Variants in YWHAE observed in about 807,000 individuals in gnomAD.
YWHAE encodes the protein 14-3-3 protein epsilon.
Under a neutral mutation model 30.1 loss-of-function variants are expected in YWHAE, and 4 were observed. The ratio of observed to expected loss-of-function variants is 0.13; its 90% CI spans 0.07 to 0.30. The LOEUF is 0.30. Among genes scored for constraint, YWHAE ranks in the 10% least tolerant of loss-of-function variants. The pLI, the probability that YWHAE is intolerant of heterozygous loss-of-function variation, is 1.00. For synonymous variants in YWHAE, 118 were observed against 111.8 expected, an observed-to-expected ratio of 1.06 and a Z score of -0.35; for missense variants, 121 against 315.9, an observed-to-expected ratio of 0.38 and a Z score of 4.68.
At chr17:1,358,013 C>T (rs1177034064) in intron 4 of YWHAE, among the ~76,000 whole-genome samples, 1 of 151,778 alleles carries the variant, frequency 6.6e-6, no homozygotes, top group Admixed American at 6.6e-5. Flanking sequence ...AAAATACTCA[C>T]AAACCATTTA....
intron 1 of YWHAE, among the ~76,000 whole-genome samples, chr17:1,372,311 G>A (rs1172332077): frequency 6.6e-6 from 1 of 152,204 alleles, no homozygotes; most frequent in Non-Finnish European, 1.5e-5. Context: ...GAATAGTATG[G>A]CAGGTTTGAT....
At chr17:1,378,961 A>G (rs9915144) in intron 1 of YWHAE, among the ~76,000 whole-genome samples, 1,523 of 152,214 alleles carry the variant, frequency 0.01, 28 homozygotes, top group African/African-American at 0.034. Flanking sequence ...AAAAAAAAAA[A>G]AAAGAAATTC....
At position 1,365,556 on chromosome 17, in the gene YWHAE, G is replaced by A. The variant is rs114885181; in HGVS notation, c.65-498C>T. On this transcript the variant is annotated intron_variant, in intron 1 of 5. Transcript: ENST00000264335. ...CTTTGGATGTTTTCTATCCTTCCTC[G>A]TATGAAGCTCCTTCATTGGTAAAAC... Among the ~76,000 whole-genome samples the A allele has an allele frequency of 3.2e-3, 485 of 152,188 alleles. 5 individuals carry two copies. The highest frequency in any genetic ancestry group is 0.011 in the African/African-American group (449 of 41,516).
intron 1 of YWHAE, among the ~76,000 whole-genome samples, chr17:1,394,460 A>AAAAAAAAAAAAAAAAAACC (rs1555647412): frequency 3.6e-5 from 5 of 137,630 alleles, no homozygotes; most frequent in African/African-American, 1.4e-4. Flanking sequence ...AAAAAAAAAA[A>AAAAAAAAAAAAAAAAAACC]ACACAAAAAT....
chr17:1,354,448 T>C, intron 4 of YWHAE, 101 bp from the exon 5 acceptor site: 3 of 1,194,382 alleles, frequency 2.5e-6, no homozygotes, highest in East Asian at 4.9e-5. Context: ...TTCCAGTTTG[T>C]AATAGTCACA....
chr17:1,360,291 T>C (rs1483293186), intron 4 of YWHAE, among the ~76,000 whole-genome samples: 1 of 152,214 alleles, frequency 6.6e-6, no homozygotes. Context: ...TAAAAAGTTA[T>C]GTACGTATAA....
intron 1 of YWHAE, among the ~76,000 whole-genome samples, chr17:1,375,002 T>C (rs1362697328): frequency 6.6e-6 from 1 of 152,142 alleles, no homozygotes; most frequent in Non-Finnish European, 1.5e-5. Flanking sequence ...GCGCACTATG[T>C]AGCCTTAAAC....
intron 4 of YWHAE, among the ~76,000 whole-genome samples, chr17:1,357,537 G>A (rs1025610188): frequency 1.3e-5 from 2 of 151,014 alleles, no homozygotes; most frequent in South Asian, 2.2e-4. Flanking sequence ...CTGAGATCAC[G>A]CCACTGTACT....
intron 1 of YWHAE, among the ~76,000 whole-genome samples, chr17:1,396,468 C>CA (rs1411743352): frequency 6.6e-6 from 1 of 152,146 alleles, no homozygotes; most frequent in African/African-American, 2.4e-5. Flanking sequence ...TCAACAGATG[C>CA]ATTCCTAGGG....
At chr17:1,374,341 CGTTA>C (rs2073092944) in intron 1 of YWHAE, among the ~76,000 whole-genome samples, 2 of 151,578 alleles carry the variant, frequency 1.3e-5, no homozygotes, top group Non-Finnish European at 2.9e-5. Flanking sequence ...AAAATCCATT[CGTTA>C]GTTAATGAAC....
chr17:1,395,982 G>A (rs1337260753), intron 1 of YWHAE, among the ~76,000 whole-genome samples: 1 of 152,136 alleles, frequency 6.6e-6, no homozygotes, highest in African/African-American at 2.4e-5. Flanking sequence ...GCCTGGCATA[G>A]TGGCGGATGC....
intron 1 of YWHAE, among the ~76,000 whole-genome samples, chr17:1,370,399 G>C (rs1158931722): frequency 6.6e-6 from 1 of 151,712 alleles, no homozygotes; most frequent in Non-Finnish European, 1.5e-5. Context: ...CCAAAGTGCT[G>C]GGATTACAGG....
intron 5 of YWHAE, among the ~76,000 whole-genome samples, chr17:1,350,584 G>T (rs1404318368): frequency 6.6e-6 from 1 of 151,506 alleles, no homozygotes; most frequent in Non-Finnish European, 1.5e-5. Flanking sequence ...AGGGATTACA[G>T]GTGCCCGCCA....
rs201079697 is a variant in YWHAE at position 1,370,293 on chromosome 17, ATTTT to A, written c.65-5239_65-5236del. 2.7e-5 allele frequency among the ~76,000 whole-genome samples: 4 copies of A among 150,678 alleles called. No individual in the cohort carries two copies. In the South Asian group the frequency reaches 8.4e-4, roughly 32 times the overall value. On this transcript the variant is annotated intron_variant, in intron 1 of 5. Transcript: ENST00000264335. ...AGGCGCCCGTCACCATGCCCAGTGAATTTTTTTGTGTGTATTTTTAGTAGAGGCG... is the reference window on the plus strand; with the variant it reads ...AGGCGCCCGTCACCATGCCCAGTGAATTTGTGTGTATTTTTAGTAGAGGCG...
intron 1 of YWHAE, among the ~76,000 whole-genome samples, chr17:1,385,426 A>C (rs2073285615): frequency 6.6e-6 from 1 of 152,186 alleles, no homozygotes; most frequent in South Asian, 2.1e-4. Flanking sequence ...AAAGTACACC[A>C]TACTGCAATT....
chr17:1,371,921 C>T (rs1412812751), intron 1 of YWHAE, among the ~76,000 whole-genome samples: 1 of 151,484 alleles, frequency 6.6e-6, no homozygotes, highest in Non-Finnish European at 1.5e-5. Context: ...TCACTGCAAC[C>T]TCCGTCTCCT....
intron 1 of YWHAE, among the ~76,000 whole-genome samples, chr17:1,375,396 T>A (rs2073107032): frequency 6.6e-6 from 1 of 152,164 alleles, no homozygotes; most frequent in Non-Finnish European, 1.5e-5. Context: ...TTTCCTGAAA[T>A]CACCTTTGCG....
At chr17:1,358,815 G>C (rs2072804273) in intron 4 of YWHAE, among the ~76,000 whole-genome samples, 1 of 136,342 alleles carries the variant, frequency 7.3e-6, no homozygotes, top group Non-Finnish European at 1.5e-5. Context: ...GGCCAGCAGA[G>C]CGAGACTCCA....
chr17:1,362,935 C>G (rs2072885900), intron 2 of YWHAE, among the ~76,000 whole-genome samples: 1 of 152,140 alleles, frequency 6.6e-6, no homozygotes. Flanking sequence ...AACTCTTCCT[C>G]CTCACAAGCT....
Sources: gnomAD v4.1 joint callset for allele counts (sites outside exome capture counted in the v4.1 genomes callset) on GRCh38, gnomAD v4.1.1 for gene constraint, MANE v1.5 for transcripts, NCBI Gene and HGNC (gene_info 2026-07-23, HGNC 2026-07-21) for gene names.